The following PSMD4 variants were observed in gnomAD, a reference collection of about 807,000 sequenced individuals.
PSMD4 encodes the protein proteasome 26S subunit ubiquitin receptor, non-ATPase 4, also known as 26S proteasome non-ATPase regulatory subunit 4.
A neutral mutation model predicts 39.7 loss-of-function variants in PSMD4; 5 were observed. That is an observed-to-expected ratio of 0.13 (90% CI 0.07 to 0.26). The LOEUF is 0.26. Ranked by LOEUF, PSMD4 falls within the 10% of genes least tolerant of loss-of-function variation. The probability of loss-of-function intolerance (pLI) is 1.00; values close to 1 mark genes in which losing one functional copy is unlikely to be tolerated. For synonymous variants in PSMD4, 143 were observed against 174.6 expected (o/e 0.82, Z 1.43); for missense variants, 272 against 486.1 (o/e 0.56, Z 4.14).
intron 2 of PSMD4, 118 bp from the exon 3 acceptor site, chr1:151,263,796 C>T (rs1693369101): frequency 2.9e-6 from 2 of 694,056 alleles, no homozygotes. Flanking sequence ...ACGCCACGCA[C>T]TCCAGCCTGG....
chr1:151,266,247 G>C, intron 7 of PSMD4, 61 bp from the exon 8 acceptor site: 1 of 1,610,238 alleles, frequency 6.2e-7, no homozygotes, highest in Non-Finnish European at 8.5e-7. Flanking sequence ...GAATGGCCTT[G>C]GAGGCTGGCC....
At chr1:151,256,995 C>G (rs775279493) in intron 1 of PSMD4, among the ~76,000 whole-genome samples, 2 of 152,076 alleles carry the variant, frequency 1.3e-5, no homozygotes, top group Non-Finnish European at 2.9e-5. Context: ...GTGATCCGCC[C>G]GCCTCAGCCT....
Position 151,266,571 on chromosome 1 carries a change from C to T in PSMD4, c.947C>T (p.Thr316Ile), listed in dbSNP as rs781270364. The T allele has an allele frequency of 2.5e-6, 4 of 1,614,074 alleles. No homozygotes were observed. The highest frequency in any genetic ancestry group is 1.7e-5 in the Admixed American group (1 of 59,992). ...ATTGATGCCAGCTCAGCTATGGACA[C>T]ATCTGAGCCAGCCAAGGTGAGACCC... ...ADIDASSAMD[T>I]SEPAKEEDDY... Residue 316 changes from threonine to isoleucine, a missense_variant, in exon 9 of 10, where the codon ACA becomes ATA. By Grantham distance (89) the Thr-to-Ile change is moderately conservative. Transcript: ENST00000368884.
intron 1 of PSMD4, among the ~76,000 whole-genome samples, chr1:151,257,145 A>G (rs1390156839): frequency 6.6e-6 from 1 of 152,200 alleles, no homozygotes; most frequent in African/African-American, 2.4e-5. Context: ...TCCAGCTTCA[A>G]TCTTCTGCAT....
Position 151,266,638 on chromosome 1 carries a change from C to T in PSMD4, c.963+51C>T. ...GGTTTAAAGTCCTTGAATTTAGATC[C>T]TCATCCCTCTGGGGCTGGGAGTATT... On this transcript the variant is annotated intron_variant, in intron 9 of 9. Coordinates refer to ENST00000368884, the MANE Select transcript of PSMD4 (RefSeq NM_002810.4). 3 of 1,586,604 alleles carry T rather than the reference C, an allele frequency of 1.9e-6. No homozygotes were observed. The South Asian group carries it at 3.4e-5, about 18-fold the overall frequency.
chr1:151,260,687 C>T (rs951183661), intron 1 of PSMD4, among the ~76,000 whole-genome samples: 2 of 151,988 alleles, frequency 1.3e-5, no homozygotes, highest in African/African-American at 4.8e-5. Context: ...AGGTGCCTGC[C>T]ACCACGCCCG....
chr1:151,254,902 C>T (rs1693128422), intron 1 of PSMD4, 94 bp downstream of exon 1: 6 of 1,380,014 alleles, frequency 4.3e-6, no homozygotes, highest in Non-Finnish European at 5.6e-6. Context: ...GCCAGGGGCT[C>T]ATGGGCGAGA....
chr1:151,265,118 C>A lies in PSMD4; in HGVS notation c.370-48C>A, dbSNP rs200519225. On this transcript the variant is annotated intron_variant, in intron 4 of 9. Coordinates refer to ENST00000368884, the MANE Select transcript of PSMD4 (RefSeq NM_002810.4). ...CTTTTATGCGGCGGGTCCTTTCCCC[C>A]CCTCGAGTATGGAACAGATTTCTTG... 2.2e-5 allele frequency: 34 copies of A among 1,530,416 alleles called. No individual in the cohort carries two copies. The African/African-American group carries it at 4.2e-4, about 19-fold the overall frequency. 94.8% of individuals were successfully genotyped at this position (1,530,416 alleles called of 1,614,324 possible).
At chr1:151,264,764 C>T (rs1558322453) in intron 3 of PSMD4, 68 bp from the exon 4 acceptor site, 10 of 1,291,120 alleles carry the variant, frequency 7.7e-6, no homozygotes, top group South Asian at 1.3e-5. Context: ...AAAAGGGAAC[C>T]GAGTGACAGA....
rs988288625 is a variant in PSMD4 at position 151,258,545 on chromosome 1, C to T, written c.27-3616C>T. Among the ~76,000 whole-genome samples, 10 of 148,078 alleles carry T rather than the reference C, an allele frequency of 6.8e-5. No individual in the cohort carries two copies. In the South Asian group the frequency reaches 8.6e-4, roughly 13 times the overall value. On this transcript the variant is annotated intron_variant, in intron 1 of 9. Coordinates refer to ENST00000368884, the MANE Select transcript of PSMD4 (RefSeq NM_002810.4). ...GTGTGATCTTGGCTCACTGCAGCCT[C>T]GACCTCCGGGGCTCAAGTGATCCTC...
chr1:151,256,972 C>T (rs1693190242), intron 1 of PSMD4, among the ~76,000 whole-genome samples: 1 of 151,980 alleles, frequency 6.6e-6, no homozygotes, highest in Admixed American at 6.6e-5. Flanking sequence ...TGGTCTCGAA[C>T]TCCCACCCTC....
At chr1:151,260,631 G>A (rs143927812) in intron 1 of PSMD4, among the ~76,000 whole-genome samples, 1,650 of 152,096 alleles carry the variant, frequency 0.011, 14 homozygotes, top group Admixed American at 0.019. Context: ...CACCTCTCAG[G>A]TTCAGGTGAT....
At chr1:151,258,684 C>G (rs1251523596) in intron 1 of PSMD4, among the ~76,000 whole-genome samples, 1 of 151,972 alleles carries the variant, frequency 6.6e-6, no homozygotes, top group Non-Finnish European at 1.5e-5. Context: ...TGGTCTCGAA[C>G]TCTTGGGCTC....
rs746038408 is a variant in PSMD4 at position 151,265,150 on chromosome 1, C to G, written c.370-16C>G. ...GTATGGAACAGATTTCTTGATTTTT[C>G]TCCCCTTCTTCCCAGCTGGTGAAAC... On this transcript the variant is annotated splice_polypyrimidine_tract_variant and intron_variant, in intron 4 of 9. Coordinates refer to ENST00000368884, the MANE Select transcript of PSMD4 (RefSeq NM_002810.4). 9 of 1,599,128 alleles carry G rather than the reference C, an allele frequency of 5.6e-6. No homozygotes were observed. Among genetic ancestry groups the G allele is most frequent in the Non-Finnish European group, 7.7e-6 (9 of 1,172,876 alleles).
At chr1:151,262,407 C>G in intron 2 of PSMD4, 106 bp downstream of exon 2, 1 of 1,364,936 alleles carries the variant, frequency 7.3e-7, no homozygotes, top group South Asian at 1.2e-5. Context: ...TCCTAGACTG[C>G]CTTCTGCACT....
At position 151,254,843 on chromosome 1, in the gene PSMD4, T is replaced by C. The variant is rs111989063; in HGVS notation, c.26+35T>C. The C allele has an allele frequency of 5.7e-5, 79 of 1,375,660 alleles. 1 individual carries two copies. The African/African-American group carries it at 1.0e-3, about 18-fold the overall frequency. The allele number at this position is 1,375,660 out of a possible 1,614,324, so 85.2% of individuals were successfully genotyped here. A position where few individuals can be genotyped will look rare whatever the true frequency, so the allele number is the denominator to read the frequency against. ...TACTTCGGGGCAGGAGGGGCAGAGC[T>C]GGGTTCCGGGCGCGTGTAGCGCCAA... On this transcript the variant is annotated intron_variant, in intron 1 of 9. Coordinates refer to ENST00000368884, the MANE Select transcript of PSMD4 (RefSeq NM_002810.4).
intron 9 of PSMD4, chr1:151,266,849 GA>G: frequency 1.4e-6 from 1 of 715,402 alleles, no homozygotes; most frequent in Non-Finnish European, 2.6e-6. Flanking sequence ...TCCCAGGAGG[GA>G]AAAAAGCGGG....
rs1466163609 is a variant in PSMD4 at position 151,266,545 on chromosome 1, C to T, written c.921C>T (p.Asp307=). 1 of 1,614,186 alleles carries T rather than the reference C, an allele frequency of 6.2e-7. No homozygotes were observed. Reference sequence around the variant, plus strand: ...AGTTTGGCCAGGCGGAATCAGCAGACATTGATGCCAGCTCAGCTATGGACA... The same window carrying T: ...AGTTTGGCCAGGCGGAATCAGCAGATATTGATGCCAGCTCAGCTATGGACA... ...GAEFGQAESA[D]IDASSAMDTS... is the part of the protein sequence containing the mutation. Residue 307 remains aspartate (D), a synonymous_variant, in exon 9 of 10, where the codon GAC becomes GAT. Coordinates refer to ENST00000368884, the MANE Select transcript of PSMD4 (RefSeq NM_002810.4).
intron 1 of PSMD4, among the ~76,000 whole-genome samples, chr1:151,260,890 G>A (rs1176331855): frequency 6.7e-6 from 1 of 149,798 alleles, no homozygotes; most frequent in East Asian, 2.0e-4. Context: ...CTGTCACCCA[G>A]GCTGGAGTGC....
Sources: gnomAD v4.1 joint callset for allele counts (sites outside exome capture counted in the v4.1 genomes callset) on GRCh38, gnomAD v4.1.1 for gene constraint, MANE v1.5 for transcripts, NCBI Gene and HGNC (gene_info 2026-07-23, HGNC 2026-07-21) for gene names.